Variants in CAPNS1 observed in about 807,000 individuals in gnomAD.
The protein encoded by CAPNS1 is calpain small subunit 1, also known as CANP small subunit.
A neutral mutation model predicts 39.2 loss-of-function variants in CAPNS1; 32 were observed. The observed-to-expected ratio is 0.82, with a 90% CI of 0.62 to 1.10. CAPNS1 has a LOEUF of 1.10. Ranked by LOEUF, CAPNS1 falls within the 50% of genes least tolerant of loss-of-function variation. CAPNS1 has a pLI of 0.00. For missense variants in CAPNS1, 353 were observed against 373.1 expected (o/e 0.95, Z 0.44); for synonymous variants, 153 against 136.2 (o/e 1.12, Z -0.86).
rs772807654 is a variant in CAPNS1 at position 36,150,127 on chromosome 19, G to C, written c.*288G>C. 5.5e-5 allele frequency: 19 copies of C among 343,658 alleles called. No homozygotes were observed. The highest frequency in any genetic ancestry group is 4.0e-4 in the African/African-American group (19 of 47,264). The allele number at this position is 343,658 out of a possible 1,614,324, so 21.3% of individuals were successfully genotyped here. On this transcript the variant is annotated 3_prime_UTR_variant, in exon 11 of 11. Transcript: ENST00000246533. ...ACTCCGTAACCTCTCCCCTGTACCT[G>C]TGCCAAGCCTAGCACTTGTGATGCC... is the stretch of plus-strand genomic sequence containing the variant.
intron 3 of CAPNS1, 129 bp downstream of exon 3, chr19:36,142,462 C>G: frequency 4.4e-6 from 3 of 686,518 alleles, no homozygotes; most frequent in Non-Finnish European, 5.2e-6. Context: ...CCTCCCATGC[C>G]GTGTCTGCAG....
rs1406549956 is a variant in CAPNS1 at position 36,142,746 on chromosome 19, G to A, written c.333+5G>A. ...TTTGCCCAGCTGGCTGGAGATGTAAGTAACCTGGGGTCCCTGGCCCCGTCC... is the reference window on the plus strand; with the variant it reads ...TTTGCCCAGCTGGCTGGAGATGTAAATAACCTGGGGTCCCTGGCCCCGTCC... On this transcript the variant is annotated splice_donor_5th_base_variant and intron_variant, in intron 4 of 10. Coordinates refer to ENST00000246533, the MANE Select transcript of CAPNS1 (RefSeq NM_001749.4). The A allele has an allele frequency of 8.7e-6, 14 of 1,613,132 alleles. No individual in the cohort carries two copies. Among genetic ancestry groups the A allele is most frequent in the Non-Finnish European group, 1.1e-5 (13 of 1,179,198 alleles).
chr19:36,141,122 GGGCGGCGGCGGCGGC>G lies in CAPNS1; in HGVS notation c.129_143del (p.Gly52_Gly56del), dbSNP rs536693322. ...TTGGAGGCCTGATCAGCGGGGCCGG[GGGCGGCGGCGGCGGC>G]GGCGGCGGCGGCGGCGGTGGTGGAG... On this transcript the variant is annotated inframe_deletion, in exon 2 of 11. Transcript: ENST00000246533. The G allele has an allele frequency of 9.5e-5, 125 of 1,321,504 alleles. 2 individuals carry two copies. Among genetic ancestry groups the G allele is most frequent in the Middle Eastern group, 2.8e-4 (1 of 3,586 alleles). The allele number at this position is 1,321,504 out of a possible 1,614,324, so 81.9% of individuals were successfully genotyped here. A position where few individuals can be genotyped will look rare whatever the true frequency, so the allele number is the denominator to read the frequency against.
chr19:36,141,085 T>G lies in CAPNS1; in HGVS notation c.74T>G (p.Leu25Arg). The G allele has an allele frequency of 6.8e-7, 1 of 1,468,222 alleles. No individual in the cohort carries two copies. Among genetic ancestry groups the G allele is most frequent in the Non-Finnish European group, 9.1e-7 (1 of 1,102,632 alleles). The allele number at this position is 1,468,222 out of a possible 1,614,324, so 90.9% of individuals were successfully genotyped here. ...GGGGGGLGGG[L>R]GNVLGGLISG... Reference sequence around the variant, plus strand: ...GGAGGCGGGGGCCTGGGTGGGGGCCTGGGAAATGTGCTTGGAGGCCTGATC... The same window carrying G: ...GGAGGCGGGGGCCTGGGTGGGGGCCGGGGAAATGTGCTTGGAGGCCTGATC... Residue 25 changes from leucine (L) to arginine (R), a missense_variant, in exon 2 of 11, where the codon CTG becomes CGG. Physicochemically the swap from Leu to Arg is moderately radical, Grantham distance 102. Coordinates refer to ENST00000246533, the MANE Select transcript of CAPNS1 (RefSeq NM_001749.4).
chr19:36,146,074 G>A lies in CAPNS1; in HGVS notation c.604+20G>A. ...CAGCAGGTATGGCTGGCAGGGACAT[G>A]CTGGGGCTGGGAGTGGGATGGGTGA... On this transcript the variant is annotated intron_variant, in intron 8 of 10. Transcript: ENST00000246533. 4 of 1,612,702 alleles carry A rather than the reference G, an allele frequency of 2.5e-6. No individual in the cohort carries two copies. The highest frequency in any genetic ancestry group is 3.3e-5 in the Admixed American group (2 of 60,016).
In CAPNS1 at chr19:36,141,122, GGGC is replaced by G. The variant is rs536693322; in HGVS notation, c.141_143del (p.Gly56del). On this transcript the variant is annotated inframe_deletion, in exon 2 of 11. Transcript: ENST00000246533. The stretch of plus-strand genomic sequence containing the variant: ...TTGGAGGCCTGATCAGCGGGGCCGG[GGGC>G]GGCGGCGGCGGCGGCGGCGGCGGCG... 1.6e-3 allele frequency: 2,012 copies of G among 1,264,808 alleles called. No homozygotes were observed. Among genetic ancestry groups the G allele is most frequent in the South Asian group, 5.7e-3 (298 of 52,630 alleles). The allele number at this position is 1,264,808 out of a possible 1,614,324, so 78.3% of individuals were successfully genotyped here.
chr19:36,141,787 G>A (rs1000092115), intron 2 of CAPNS1: 2 of 200,532 alleles, frequency 1.0e-5, no homozygotes, highest in South Asian at 1.0e-4. Flanking sequence ...AATTAGCCAC[G>A]GCCACTTAGC....
rs963167066 is a variant in CAPNS1 at position 36,141,140 on chromosome 19, C to A, written c.129C>A (p.Gly43=). Residue 43 remains glycine, a synonymous_variant, in exon 2 of 11, where the codon GGC becomes GGA. Transcript: ENST00000246533. ...ISGAGGGGGG[G]GGGGGGGGGG... is the part of the protein sequence containing the mutation. The stretch of plus-strand genomic sequence containing the variant: ...GGGCCGGGGGCGGCGGCGGCGGCGG[C>A]GGCGGCGGCGGCGGTGGTGGAGGCG... The A allele has an allele frequency of 7.2e-7, 1 of 1,384,766 alleles. No individual in the cohort carries two copies. The highest frequency in any genetic ancestry group is 1.5e-5 in the African/African-American group (1 of 64,556). The allele number at this position is 1,384,766 out of a possible 1,614,324, so 85.8% of individuals were successfully genotyped here. A position where few individuals can be genotyped will look rare whatever the true frequency, so the allele number is the denominator to read the frequency against.
At position 36,141,186 on chromosome 19, in the gene CAPNS1, A is replaced by G. The variant is rs779024915; in HGVS notation, c.175A>G (p.Met59Val). 3 of 1,449,784 alleles carry G rather than the reference A, an allele frequency of 2.1e-6. No individual in the cohort carries two copies. The highest frequency in any genetic ancestry group is 1.5e-5 in the African/African-American group (1 of 67,086). The allele number at this position is 1,449,784 out of a possible 1,614,324, so 89.8% of individuals were successfully genotyped here. A position where few individuals can be genotyped will look rare whatever the true frequency, so the allele number is the denominator to read the frequency against. ...AGGCGGCGGTGGCGGTGGAACGGCC[A>G]TGCGCATCCTAGGCGGAGTCATCAG... ...GGGGGGGGTA[M>V]RILGGVISAI... is the part of the protein sequence containing the mutation. Residue 59 changes from methionine to valine, a missense_variant, in exon 2 of 11, where the codon ATG (methionine) becomes GTG (valine). Physicochemically the swap from Met to Val is conservative, Grantham distance 21. Coordinates refer to ENST00000246533, the MANE Select transcript of CAPNS1 (RefSeq NM_001749.4).
chr19:36,144,992 G>A lies in CAPNS1; in HGVS notation c.457-814G>A, dbSNP rs903460712. Among the ~76,000 whole-genome samples, 13 of 152,250 alleles carry A rather than the reference G, an allele frequency of 8.5e-5. 1 individual carries two copies. Among genetic ancestry groups the A allele is most frequent in the Middle Eastern group, 6.8e-3 (2 of 294 alleles). ...TGTTTTCTTCTCTGGAAATAGTCCT[G>A]GTAGAACTGGTGTCCCAAGGATTTA... is the stretch of plus-strand genomic sequence containing the variant. On this transcript the variant is annotated intron_variant, in intron 6 of 10. Transcript: ENST00000246533.
chr19:36,148,114 C>T (rs1333335081), intron 9 of CAPNS1: 2 of 151,898 alleles, frequency 1.3e-5, no homozygotes, highest in Non-Finnish European at 2.9e-5. Context: ...CCCTTGGCCT[C>T]CAGAGAGCCC....
chr19:36,141,757 G>A, intron 2 of CAPNS1: 1 of 325,272 alleles, frequency 3.1e-6, no homozygotes, highest in Non-Finnish European at 4.5e-6. Flanking sequence ...TGCCCTGGTA[G>A]GGATAGGGCA....
chr19:36,142,033 G>A (rs1974392310), intron 2 of CAPNS1, among the ~76,000 whole-genome samples: 1 of 152,162 alleles, frequency 6.6e-6, no homozygotes, highest in Non-Finnish European at 1.5e-5. Context: ...CTGCCACTGG[G>A]TAGGTGTGCC....
At chr19:36,140,714 G>T in intron 1 of CAPNS1, 1 of 379,312 alleles carries the variant, frequency 2.6e-6, no homozygotes, top group Non-Finnish European at 4.7e-6. Context: ...CCAACTTGGG[G>T]TCCCCACCAA....
At chr19:36,148,930 TGGGGAACATGGAGTCAAGTTTCA>T (rs1974674927) in intron 9 of CAPNS1, among the ~76,000 whole-genome samples, 1 of 151,832 alleles carries the variant, frequency 6.6e-6, no homozygotes. Context: ...TCCCTGTGGG[TGGGGAACATGGAGTCAAGTTTCA>T]GGGCAGGCGT....
rs1974561251 is a variant in CAPNS1 at position 36,146,212 on chromosome 19, G to A, written c.621G>A (p.Glu207=). 1 of 1,612,740 alleles carries A rather than the reference G, an allele frequency of 6.2e-7. No individual in the cohort carries two copies. The highest frequency in any genetic ancestry group is 1.3e-5 in the African/African-American group (1 of 74,928). The change falls in exon 9 of 11, where the codon GAG becomes GAA. Residue 207 remains glutamate (E), a synonymous_variant. Transcript: ENST00000246533. The part of the protein sequence containing the change: ...AFEAAGFHLN[E]HLYNMIIRRY... ...CCATCTTAGGGTTCCACCTGAATGA[G>A]CATCTCTATAACATGATCATCCGAC...
intron 6 of CAPNS1, among the ~76,000 whole-genome samples, chr19:36,143,439 G>C (rs1974450458): frequency 6.6e-6 from 1 of 152,092 alleles, no homozygotes. Flanking sequence ...TCAAGTTATA[G>C]ATAAAGGTCA....
At position 36,143,077 on chromosome 19, in the gene CAPNS1, G is replaced by A. The variant is rs989896187; in HGVS notation, c.405G>A (p.Lys135=). ...TGTTACCCACAGACCCTGATCTGAA[G>A]ACTGATGGTTTTGGCATTGACACAT... The part of the protein sequence containing the change: ...NKVVTRHPDL[K]TDGFGIDTCR... Residue 135 remains lysine (K), a synonymous_variant, in exon 6 of 11, where the codon AAG becomes AAA. Coordinates refer to ENST00000246533, the MANE Select transcript of CAPNS1 (RefSeq NM_001749.4). The A allele has an allele frequency of 6.2e-7, 1 of 1,614,076 alleles. No individual in the cohort carries two copies. The highest frequency in any genetic ancestry group is 8.5e-7 in the Non-Finnish European group (1 of 1,180,040).
In CAPNS1 at chr19:36,143,069, G is replaced by T. The variant is rs1974437981; in HGVS notation, c.397G>T (p.Asp133Tyr). 6.2e-7 allele frequency: 1 copy of T among 1,614,184 alleles called. No individual in the cohort carries two copies. Among genetic ancestry groups the T allele is most frequent in the Non-Finnish European group, 8.5e-7 (1 of 1,180,028 alleles). Residue 133 changes from aspartate to tyrosine, a missense_variant, in exon 6 of 11, where the codon GAT (aspartate) becomes TAT (tyrosine). By Grantham distance (160) the Asp-to-Tyr change is radical (BLOSUM62 -3). Coordinates refer to ENST00000246533, the MANE Select transcript of CAPNS1 (RefSeq NM_001749.4). ...ILNKVVTRHP[D>Y]LKTDGFGIDT... ...TTTCAACCTGTTACCCACAGACCCT[G>T]ATCTGAAGACTGATGGTTTTGGCAT...
Sources: gnomAD v4.1 joint callset for allele counts (sites outside exome capture counted in the v4.1 genomes callset) on GRCh38, gnomAD v4.1.1 for gene constraint, MANE v1.5 for transcripts, NCBI Gene and HGNC (gene_info 2026-07-23, HGNC 2026-07-21) for gene names.